NR3C2: variants seen among roughly 807,000 people sequenced by gnomAD.
The protein encoded by NR3C2 is mineralocorticoid receptor.
In NR3C2, 15 loss-of-function variants were observed where a neutral mutation model predicts 86.4. The observed-to-expected ratio is 0.17, with a 90% CI of 0.12 to 0.27. The LOEUF is 0.27. NR3C2 is among the 10% of genes least tolerant of loss of function. The pLI is 1.00. For missense variants in NR3C2, 960 were observed against 1,195.6 expected, an observed-to-expected ratio of 0.80 and a Z score of 2.91; for synonymous variants, 458 against 450.5, an observed-to-expected ratio of 1.02 and a Z score of -0.21.
intron 4 of NR3C2, among the ~76,000 whole-genome samples, chr4:148,168,112 A>G (rs561022452): frequency 3.3e-5 from 5 of 152,340 alleles, no homozygotes; most frequent in African/African-American, 1.2e-4. Context: ...CTCCAGAAAT[A>G]GACTCCAGGA....
At chr4:148,351,968 G>A (rs753270544) in intron 2 of NR3C2, among the ~76,000 whole-genome samples, 20 of 152,108 alleles carry the variant, frequency 1.3e-4, no homozygotes, top group Admixed American at 2.6e-4. Flanking sequence ...TATTGAAAAA[G>A]TAGGTAGATT....
intron 6 of NR3C2, among the ~76,000 whole-genome samples, chr4:148,147,893 CACA>C (rs1350134956): frequency 2.0e-5 from 3 of 152,202 alleles, no homozygotes; most frequent in Non-Finnish European, 4.4e-5. Flanking sequence ...TCACTGGGAT[CACA>C]ACAACATATA....
chr4:148,263,655 C>T (rs1401363356), intron 2 of NR3C2, among the ~76,000 whole-genome samples: 2 of 152,180 alleles, frequency 1.3e-5, no homozygotes, highest in African/African-American at 4.8e-5. Context: ...CAGTCTTCTC[C>T]TTCAGGGTCT....
intron 2 of NR3C2, among the ~76,000 whole-genome samples, chr4:148,275,886 T>C (rs1165947229): frequency 6.6e-6 from 1 of 152,118 alleles, no homozygotes. Flanking sequence ...ATTCCTGAAA[T>C]AGGGAAAAGT....
At chr4:148,443,833 CAGTT>C (rs1367129993), upstream of NR3C2, among the ~76,000 whole-genome samples, 2 of 152,218 alleles carry the variant, frequency 1.3e-5, no homozygotes, top group Non-Finnish European at 2.9e-5. Context: ...CTCTCCTTAA[CAGTT>C]AGTTAAGCTC....
At chr4:148,193,842 T>C (rs897358059) in intron 4 of NR3C2, among the ~76,000 whole-genome samples, 3 of 152,322 alleles carry the variant, frequency 2.0e-5, no homozygotes, top group East Asian at 3.9e-4. Context: ...TTGGTGTATA[T>C]AGTTAAGAGC....
chr4:148,221,634 TGTAATCCCA>T, intron 3 of NR3C2, among the ~76,000 whole-genome samples: 1 of 152,208 alleles, frequency 6.6e-6, no homozygotes, highest in Non-Finnish European at 1.5e-5. Context: ...GGCTCACGCC[TGTAATCCCA>T]GTACTTTGGG....
intron 2 of NR3C2, among the ~76,000 whole-genome samples, chr4:148,281,194 G>GT (rs1324537519): frequency 2.0e-5 from 3 of 152,162 alleles, no homozygotes; most frequent in Non-Finnish European, 4.4e-5. Context: ...GCAGACTGTG[G>GT]TACTAAGAGC....
At chr4:148,286,227 A>G (rs1177729613) in intron 2 of NR3C2, among the ~76,000 whole-genome samples, 1 of 152,216 alleles carries the variant, frequency 6.6e-6, no homozygotes, top group East Asian at 1.9e-4. Flanking sequence ...GCCCACTGAT[A>G]AGAGTAACAG....
intron 2 of NR3C2, among the ~76,000 whole-genome samples, chr4:148,283,901 A>C (rs759663230): frequency 6.6e-6 from 1 of 152,182 alleles, no homozygotes; most frequent in Non-Finnish European, 1.5e-5. Context: ...AACACACAGG[A>C]GACAACTGAG....
At chr4:148,418,443 T>A (rs762154084) in intron 2 of NR3C2, among the ~76,000 whole-genome samples, 1 of 152,204 alleles carries the variant, frequency 6.6e-6, no homozygotes, top group Non-Finnish European at 1.5e-5. Flanking sequence ...GATATCTTCA[T>A]GATAATCTCT....
intron 2 of NR3C2, among the ~76,000 whole-genome samples, chr4:148,372,370 ATCT>A (rs1328285331): frequency 2.0e-5 from 3 of 152,076 alleles, no homozygotes; most frequent in African/African-American, 7.2e-5. Flanking sequence ...TACCCAGTTA[ATCT>A]TCTCTTCACA....
chr4:148,348,216 TG>T (rs1745095965), intron 2 of NR3C2, among the ~76,000 whole-genome samples: 1 of 152,080 alleles, frequency 6.6e-6, no homozygotes, highest in Non-Finnish European at 1.5e-5. Flanking sequence ...CTAAATCACT[TG>T]GTTGGGGATT....
chr4:148,439,315 C>A (rs1750221602), intron 1 of NR3C2, among the ~76,000 whole-genome samples: 1 of 152,148 alleles, frequency 6.6e-6, no homozygotes, highest in East Asian at 1.9e-4. Flanking sequence ...AGATCCAAAT[C>A]CATTAAACAA....
chr4:148,276,647 T>C (rs1319360865), intron 2 of NR3C2, among the ~76,000 whole-genome samples: 2 of 152,296 alleles, frequency 1.3e-5, no homozygotes, highest in African/African-American at 4.8e-5. Flanking sequence ...TGGAACTGAA[T>C]GAAAATAGGT....
chr4:148,377,663 A>G (rs180878282), intron 2 of NR3C2, among the ~76,000 whole-genome samples: 3 of 152,348 alleles, frequency 2.0e-5, no homozygotes, highest in East Asian at 3.9e-4. Context: ...ACATTTGTAA[A>G]GAGTAGATAA....
At position 148,412,792 on chromosome 4, in the gene NR3C2, C is replaced by T. The variant is rs1748770423; in HGVS notation, c.1757+22312G>A. ...CAGACCACAACACTGTGAATATGCA[C>T]ATACGTGCATACACAGGTGCACATG... On this transcript the variant is annotated intron_variant, in intron 2 of 8. Coordinates refer to ENST00000358102, the MANE Select transcript of NR3C2 (RefSeq NM_000901.5). Among the ~76,000 whole-genome samples, 6 of 149,688 alleles carry T rather than the reference C, an allele frequency of 4.0e-5. No homozygotes were observed. In the Admixed American group the frequency reaches 4.0e-4, roughly 10 times the overall value.
At chr4:148,121,703 CTTTGT>C (rs1267391011) in intron 6 of NR3C2, among the ~76,000 whole-genome samples, 4 of 152,158 alleles carry the variant, frequency 2.6e-5, no homozygotes, top group African/African-American at 9.7e-5. Flanking sequence ...TACAGTACTG[CTTTGT>C]TTTATGTAAA....
At chr4:148,441,099 T>G (rs2126670175) in intron 1 of NR3C2, among the ~76,000 whole-genome samples, 1 of 152,352 alleles carries the variant, frequency 6.6e-6, no homozygotes, top group Admixed American at 6.5e-5. Flanking sequence ...CAAGGTCACC[T>G]GAGAGAGCGG....
Sources: gnomAD v4.1 joint callset for allele counts (sites outside exome capture counted in the v4.1 genomes callset) on GRCh38, gnomAD v4.1.1 for gene constraint, MANE v1.5 for transcripts, NCBI Gene and HGNC (gene_info 2026-07-23, HGNC 2026-07-21) for gene names.